The following ZNF334 variants were observed in gnomAD, a reference collection of about 807,000 sequenced individuals.
ZNF334 encodes the protein zinc finger protein 334.
ZNF334 carries 14 observed loss-of-function variants against 12.4 expected under a neutral mutation model. That is an observed-to-expected ratio of 1.13 (90% CI 0.74 to 1.76). The LOEUF (loss-of-function observed/expected upper bound fraction) is 1.76. Among genes scored for constraint, ZNF334 ranks in the 40% most tolerant of loss-of-function variants. The probability of loss-of-function intolerance (pLI) is 0.00; values close to 1 mark genes in which losing one functional copy is unlikely to be tolerated. For synonymous variants in ZNF334, 273 were observed against 269.6 expected (o/e 1.01, Z -0.12); for missense variants, 797 against 804.5 (o/e 0.99, Z 0.11).
chr20:46,504,300 T>C lies in ZNF334; in HGVS notation c.155A>G (p.His52Arg), dbSNP rs2145961482. Residue 52 changes from histidine (H) to arginine (R), a missense_variant, in exon 4 of 5, where the codon CAT becomes CGT. His to Arg is a conservative substitution (Grantham distance 29, BLOSUM62 0). Coordinates refer to ENST00000692313, the MANE Select transcript of ZNF334 (RefSeq NM_001353824.2). ...GAAAATCACATCTGGTTTGCTAACA[T>C]GATACCCTGTTAATGGGAAATTACA... Reference protein sequence around the residue: ...NYSNLVSVGYHVSKPDVIFKL... With the variant: ...NYSNLVSVGYRVSKPDVIFKL... 1 of 1,613,356 alleles carries C rather than the reference T, an allele frequency of 6.2e-7. No individual in the cohort carries two copies. The highest frequency in any genetic ancestry group is 8.5e-7 in the Non-Finnish European group (1 of 1,179,376).
In ZNF334 at chr20:46,501,226, T is replaced by A; in HGVS notation, c.*70A>T. 6.5e-7 allele frequency: 1 copy of A among 1,542,806 alleles called. No homozygotes were observed. The highest frequency in any genetic ancestry group is 1.4e-5 in the African/African-American group (1 of 72,624). On this transcript the variant is annotated 3_prime_UTR_variant, in exon 5 of 5. Transcript: ENST00000692313. The stretch of plus-strand genomic sequence containing the variant: ...TTATAAGATTTTACTCCTCTATACA[T>A]ACTCACAGTTTAGCATTGTGTAAGT...
chr20:46,470,757 T>C, the ZNF334 span, among the ~76,000 whole-genome samples: 5 of 152,242 alleles, frequency 3.3e-5, no homozygotes, highest in African/African-American at 1.2e-4. Context: ...CTTGTGTCTA[T>C]GTTTGTGACA....
chr20:46,507,206 A>G (rs2061463864), intron 2 of ZNF334, among the ~76,000 whole-genome samples: 1 of 151,788 alleles, frequency 6.6e-6, no homozygotes, highest in Admixed American at 6.6e-5. Context: ...GAAGGGAGGG[A>G]GGAAAGACAA....
downstream of ZNF334, among the ~76,000 whole-genome samples, chr20:46,494,701 G>A (rs1178556075): frequency 6.6e-6 from 1 of 152,182 alleles, no homozygotes; most frequent in Non-Finnish European, 1.5e-5. Context: ...CATTTCATAT[G>A]TTTCAAATAC....
downstream of ZNF334, among the ~76,000 whole-genome samples, chr20:46,497,983 T>G (rs1435416751): frequency 6.6e-6 from 1 of 152,190 alleles, no homozygotes; most frequent in African/African-American, 2.4e-5. Flanking sequence ...AACATTTCCC[T>G]TAAGTGTATA....
At chr20:46,493,805 C>T in the ZNF334 span, among the ~76,000 whole-genome samples, 11 of 152,028 alleles carry the variant, frequency 7.2e-5, no homozygotes, top group Non-Finnish European at 1.6e-4. Context: ...TGGCGTGCGC[C>T]TTTAATCCCA....
At chr20:46,494,607 T>C in the ZNF334 span, among the ~76,000 whole-genome samples, 8 of 152,174 alleles carry the variant, frequency 5.3e-5, no homozygotes, top group Admixed American at 2.6e-4. Flanking sequence ...GGAGTGGCTA[T>C]TGGGATAAAG....
At chr20:46,507,880 TAA>T (rs966735012) in intron 2 of ZNF334, among the ~76,000 whole-genome samples, 3 of 152,210 alleles carry the variant, frequency 2.0e-5, no homozygotes, top group Non-Finnish European at 4.4e-5. Flanking sequence ...TTCCTGAAGA[TAA>T]AGAGTATCTC....
At chr20:46,504,768 A>G in intron 2 of ZNF334, 28 bp from the exon 3 acceptor site, 2 of 1,573,654 alleles carry the variant, frequency 1.3e-6, no homozygotes, top group Non-Finnish European at 1.7e-6. Context: ...ATCTTGGGTG[A>G]CCAAAATTGA....
At chr20:46,494,766 AGAGT>A, downstream of ZNF334, among the ~76,000 whole-genome samples, 1 of 152,326 alleles carries the variant, frequency 6.6e-6, no homozygotes, top group East Asian at 1.9e-4. Context: ...TCTAAAGTCT[AGAGT>A]GAGAAAAGTT....
chr20:46,487,613 AC>A, the ZNF334 span, among the ~76,000 whole-genome samples: 1 of 152,216 alleles, frequency 6.6e-6, no homozygotes, highest in African/African-American at 2.4e-5. Flanking sequence ...GTGCAAAAAC[AC>A]CTAGAATTAT....
intron 3 of ZNF334, 88 bp from the exon 4 acceptor site, chr20:46,504,394 T>C (rs2061359662): frequency 7.7e-7 from 1 of 1,300,972 alleles, no homozygotes; most frequent in Non-Finnish European, 1.1e-6. Flanking sequence ...TCAGAAGCTG[T>C]GCAATGAAGA....
chr20:46,471,304 T>C, the ZNF334 span, among the ~76,000 whole-genome samples: 3 of 152,206 alleles, frequency 2.0e-5, no homozygotes, highest in Non-Finnish European at 2.9e-5. Flanking sequence ...ATTTTTAAAA[T>C]TGGGTTGTCT....
chr20:46,488,804 GTT>G, the ZNF334 span, among the ~76,000 whole-genome samples: 3 of 104,128 alleles, frequency 2.9e-5, no homozygotes, highest in African/African-American at 4.0e-5. Flanking sequence ...CTAGTTAATA[GTT>G]TTTTTTTTTT....
At position 46,501,999 on chromosome 20, in the gene ZNF334, G is replaced by A. The variant is rs1379566425; in HGVS notation, c.1340C>T (p.Ala447Val). The change falls in exon 5 of 5, where the codon GCC becomes GTC. Residue 447 changes from alanine to valine, a missense_variant. By Grantham distance (64) the Ala-to-Val change is moderately conservative (BLOSUM62 0). Transcript: ENST00000692313. ...QCGKFLCTKS[A>V]LIAHQITHRG... ...ATGAGTTATCTGATGTGCAATGAGG[G>A]CTGATTTCGTACATAAAAATTTTCC... The A allele has an allele frequency of 6.2e-7, 1 of 1,613,926 alleles. No homozygotes were observed. Among genetic ancestry groups the A allele is most frequent in the Admixed American group, 1.7e-5 (1 of 60,024 alleles).
the ZNF334 span, among the ~76,000 whole-genome samples, chr20:46,473,090 GTTTA>G: frequency 2.0e-5 from 3 of 152,104 alleles, no homozygotes; most frequent in Non-Finnish European, 2.9e-5. Flanking sequence ...TTTTCTAAAA[GTTTA>G]TTTATTTGGT....
chr20:46,511,605 G>A (rs907281778), intron 2 of ZNF334, among the ~76,000 whole-genome samples: 1 of 152,148 alleles, frequency 6.6e-6, no homozygotes, highest in African/African-American at 2.4e-5. Flanking sequence ...TATTTTATTT[G>A]TTATAGGTTT....
Position 46,502,715 on chromosome 20 carries a change from C to A in ZNF334, c.624G>T (p.Pro208=). Residue 208 remains proline, a synonymous_variant, in exon 5 of 5, where the codon CCG becomes CCT. Transcript: ENST00000692313. ...TTTTCCCACATTTATTATAGTCAAA[C>A]GGTTGTTTCAAAATCTGAATGTTCT... The part of the protein sequence containing the change: ...LHQNIQILKQ[P]FDYNKCGKTF... 1 of 1,613,354 alleles carries A rather than the reference C, an allele frequency of 6.2e-7. No individual in the cohort carries two copies. Among genetic ancestry groups the A allele is most frequent in the Non-Finnish European group, 8.5e-7 (1 of 1,179,974 alleles).
Position 46,502,603 on chromosome 20 carries a change from A to C in ZNF334, c.736T>G (p.Phe246Val), listed in dbSNP as rs2061261532. ...ACAATGAGGGTAGATCTCTTAGAAA[A>C]GGTTTTCCTACATTCATTACATTCA... ...PNECNECRKT[F>V]SKRSTLIVHQ... Residue 246 changes from phenylalanine to valine, a missense_variant, in exon 5 of 5, where the codon TTT becomes GTT. By Grantham distance (50) the Phe-to-Val change is conservative (BLOSUM62 -1). Coordinates refer to ENST00000692313, the MANE Select transcript of ZNF334 (RefSeq NM_001353824.2). 1.2e-6 allele frequency: 2 copies of C among 1,608,664 alleles called. No homozygotes were observed. The highest frequency in any genetic ancestry group is 1.7e-6 in the Non-Finnish European group (2 of 1,178,444).
Sources: gnomAD v4.1 joint callset for allele counts (sites outside exome capture counted in the v4.1 genomes callset) on GRCh38, gnomAD v4.1.1 for gene constraint, MANE v1.5 for transcripts, NCBI Gene and HGNC (gene_info 2026-07-23, HGNC 2026-07-21) for gene names.